The following BCL11A variants were observed in gnomAD, a reference collection of about 807,000 sequenced individuals.
The protein encoded by BCL11A is BCL11 transcription factor A.
BCL11A carries 2 observed loss-of-function variants against 55.9 expected under a neutral mutation model. The ratio of observed to expected loss-of-function variants is 0.04; its 90% CI spans 0.01 to 0.11. The LOEUF (loss-of-function observed/expected upper bound fraction) is 0.11, where lower values mean the gene tolerates loss of function less well. Ranked by LOEUF, BCL11A falls within the 10% of genes least tolerant of loss-of-function variation. The pLI, the probability that BCL11A is intolerant of heterozygous loss-of-function variation, is 1.00. For synonymous variants in BCL11A, 465 were observed against 473.4 expected (o/e 0.98, Z 0.23); for missense variants, 817 against 1,137.1 (o/e 0.72, Z 4.05).
chr2:60,530,046 C>G (rs1669377642), intron 2 of BCL11A, among the ~76,000 whole-genome samples: 1 of 152,140 alleles, frequency 6.6e-6, no homozygotes. Flanking sequence ...GGGATGATGA[C>G]TCCTGCTTGC....
intron 2 of BCL11A, chr2:60,541,986 A>T (rs1669945156): frequency 4.4e-6 from 3 of 681,126 alleles, no homozygotes; most frequent in African/African-American, 1.8e-5. Context: ...AAATTCTGAA[A>T]AGCATATTGT....
Position 60,460,228 on chromosome 2 carries a change from G to T in BCL11A, c.*176C>A. ...GAAAAAGAAAAAAAACAGGTGTGCT[G>T]GTGACAAGCACTCTCATATTCTTAG... On this transcript the variant is annotated 3_prime_UTR_variant, in exon 4 of 4. Coordinates refer to ENST00000642384, the MANE Select transcript of BCL11A (RefSeq NM_022893.4). 7.5e-7 allele frequency: 1 copy of T among 1,326,554 alleles called. No homozygotes were observed. The highest frequency in any genetic ancestry group is 9.6e-7 in the Non-Finnish European group (1 of 1,040,626). 82.2% of individuals were successfully genotyped at this position (1,326,554 alleles called of 1,614,324 possible).
At chr2:60,454,423 A>G (rs1027296949), downstream of BCL11A, among the ~76,000 whole-genome samples, 3 of 152,106 alleles carry the variant, frequency 2.0e-5, no homozygotes, top group Non-Finnish European at 4.4e-5. Flanking sequence ...CCATCCTCAT[A>G]TCGGCAAAGT....
In BCL11A at chr2:60,462,309, G is replaced by A. The variant is rs756904803; in HGVS notation, c.603C>T (p.Ser201=). The A allele has an allele frequency of 6.2e-7, 1 of 1,614,136 alleles. No homozygotes were observed. Among genetic ancestry groups the A allele is most frequent in the South Asian group, 1.1e-5 (1 of 91,068 alleles). Residue 201 remains serine, a synonymous_variant, in exon 4 of 4, where the codon AGC becomes AGT. Transcript: ENST00000642384. ...NTHGLRIYLE[S]EHGSPLTPRV... ...GCGGGGTCAGGGGACTTCCGTGTTC[G>A]CTTTCTAAGTAGATTCTTAATCCAT... is the stretch of plus-strand genomic sequence containing the variant.
chr2:60,461,184 G>C lies in BCL11A; in HGVS notation c.1728C>G (p.Ala576=). ...AAGTGTCCCTGTGGCCCTCGGCCTC[G>C]GCCAGGTGGCCGCGCTTATGCTTCT... is the stretch of plus-strand genomic sequence containing the variant. ...LGEKHKRGHL[A]EAEGHRDTCD... Residue 576 remains alanine, a synonymous_variant, in exon 4 of 4, where the codon GCC becomes GCG. Coordinates refer to ENST00000642384, the MANE Select transcript of BCL11A (RefSeq NM_022893.4). The C allele has an allele frequency of 6.2e-7, 1 of 1,612,556 alleles. No individual in the cohort carries two copies. Among genetic ancestry groups the C allele is most frequent in the Non-Finnish European group, 8.5e-7 (1 of 1,179,830 alleles).
At chr2:60,467,424 T>C (rs1354837555) in intron 3 of BCL11A, among the ~76,000 whole-genome samples, 1 of 8,592 alleles carries the variant, frequency 1.2e-4, no homozygotes, top group Middle Eastern at 0.1. Flanking sequence ...CTGGTGATGG[T>C]GGTGGTGGTA....
At position 60,461,288 on chromosome 2, in the gene BCL11A, C is replaced by A. The variant is rs1239160421; in HGVS notation, c.1624G>T (p.Ala542Ser). The A allele has an allele frequency of 6.2e-7, 1 of 1,601,962 alleles. No homozygotes were observed. The highest frequency in any genetic ancestry group is 8.5e-7 in the Non-Finnish European group (1 of 1,178,190). The change falls in exon 4 of 4, where the codon GCC becomes TCC. Residue 542 changes from alanine (A) to serine (S), a missense_variant. Ala to Ser is a moderately conservative substitution (Grantham distance 99). Transcript: ENST00000642384. ...ATGCCCTGCATGACGTCGGGCAGGGCGCGGCTCTCGTCGCCCACGCCCACG... is the reference window on the plus strand; with the variant it reads ...ATGCCCTGCATGACGTCGGGCAGGGAGCGGCTCTCGTCGCCCACGCCCACG... ...AVVGVGDESR[A>S]LPDVMQGMVL...
At chr2:60,475,773 A>T (rs1176995179) in intron 2 of BCL11A, among the ~76,000 whole-genome samples, 1 of 152,104 alleles carries the variant, frequency 6.6e-6, no homozygotes, top group Non-Finnish European at 1.5e-5. Flanking sequence ...GGTATTTATC[A>T]GGTTATTTGG....
downstream of BCL11A, among the ~76,000 whole-genome samples, chr2:60,455,729 C>G (rs940221331): frequency 1.3e-5 from 2 of 152,108 alleles, no homozygotes; most frequent in Non-Finnish European, 2.9e-5. Flanking sequence ...TATATAAAAC[C>G]TACACAGTTG....
intron 2 of BCL11A, among the ~76,000 whole-genome samples, chr2:60,539,894 G>A (rs1017491451): frequency 1.3e-5 from 2 of 152,160 alleles, no homozygotes; most frequent in Non-Finnish European, 2.9e-5. Context: ...TACCCTGGTC[G>A]TAAAGGGGAG....
At chr2:60,502,823 A>C (rs939045491) in intron 2 of BCL11A, among the ~76,000 whole-genome samples, 1 of 152,226 alleles carries the variant, frequency 6.6e-6, no homozygotes, top group Non-Finnish European at 1.5e-5. Flanking sequence ...CCCAGAAACT[A>C]TGTGACCAGG....
intron 2 of BCL11A, among the ~76,000 whole-genome samples, chr2:60,539,364 C>A (rs1558506545): frequency 6.6e-6 from 1 of 152,204 alleles, no homozygotes; most frequent in East Asian, 1.9e-4. Flanking sequence ...CCTCACCACC[C>A]CCCATGCCTC....
rs1315130729 is a variant in BCL11A at position 60,461,325 on chromosome 2, C to A, written c.1587G>T (p.Ser529=). 1 of 1,598,656 alleles carries A rather than the reference C, an allele frequency of 6.3e-7. No homozygotes were observed. Among genetic ancestry groups the A allele is most frequent in the South Asian group, 1.1e-5 (1 of 90,088 alleles). The change falls in exon 4 of 4, where the codon TCG becomes TCT. Residue 529 remains serine (S), a synonymous_variant. Coordinates refer to ENST00000642384, the MANE Select transcript of BCL11A (RefSeq NM_022893.4). ...LEAARHHENS[S]RGAVVGVGDE... is the part of the protein sequence containing the mutation. Reference sequence around the variant, plus strand: ...CGCCCACGCCCACGACCGCGCCCCGCGAGCTGTTCTCGTGGTGGCGCGCCG... The same window carrying A: ...CGCCCACGCCCACGACCGCGCCCCGAGAGCTGTTCTCGTGGTGGCGCGCCG...
chr2:60,494,176 A>G (rs7584113), intron 2 of BCL11A, among the ~76,000 whole-genome samples: 96,180 of 152,068 alleles, frequency 0.63, 32,090 homozygotes, highest in African/African-American at 0.7. Flanking sequence ...TCTTACGCCT[A>G]GGGCAATAAA....
intron 2 of BCL11A, chr2:60,524,616 A>T (rs2104582705): frequency 6.6e-6 from 1 of 152,326 alleles, no homozygotes; most frequent in East Asian, 1.9e-4. Context: ...TTAAAGAGGC[A>T]GTAATTTAAA....
intron 2 of BCL11A, chr2:60,526,134 C>T (rs1021550309): frequency 1.3e-5 from 2 of 152,148 alleles, no homozygotes; most frequent in South Asian, 4.1e-4. Flanking sequence ...CATGGTTTCT[C>T]TCACCCTGAA....
At chr2:60,552,977 G>A (rs1451855036) in intron 1 of BCL11A, among the ~76,000 whole-genome samples, 1 of 151,826 alleles carries the variant, frequency 6.6e-6, no homozygotes, top group Non-Finnish European at 1.5e-5. Context: ...TCAAATTTTT[G>A]TAAAATTAAA....
At chr2:60,513,374 G>C (rs779831354) in intron 2 of BCL11A, among the ~76,000 whole-genome samples, 1 of 152,092 alleles carries the variant, frequency 6.6e-6, no homozygotes, top group Admixed American at 6.5e-5. Flanking sequence ...GCCATCTGCC[G>C]GGTGCTTCTG....
At position 60,458,615 on chromosome 2, in the gene BCL11A, A is replaced by G. The variant is rs1356793796; in HGVS notation, c.*1789T>C. On this transcript the variant is annotated 3_prime_UTR_variant, in exon 4 of 4. Transcript: ENST00000642384. ...TGGCTGGCAAAGTTTTTTTTTTTTT[A>G]GTTTTTAAAAAATGCTCCTCAATGA... is the stretch of plus-strand genomic sequence containing the variant. 1 of 999,304 alleles carries G rather than the reference A, an allele frequency of 1.0e-6. No individual in the cohort carries two copies. Among genetic ancestry groups the G allele is most frequent in the African/African-American group, 1.7e-5 (1 of 57,646 alleles). 61.9% of individuals were successfully genotyped at this position (999,304 alleles called of 1,614,324 possible). A position where few individuals can be genotyped will look rare whatever the true frequency, so the allele number is the denominator to read the frequency against.
Sources: allele counts gnomAD v4.1 joint callset (sites outside exome capture counted in the v4.1 genomes callset), GRCh38; gene constraint gnomAD v4.1.1; transcripts MANE v1.5; gene names NCBI Gene and HGNC (gene_info 2026-07-23, HGNC 2026-07-21).